Variants in ATG4A observed in about 807,000 individuals in gnomAD.
The protein encoded by ATG4A is cysteine protease ATG4A.
ATG4A carries 22 observed loss-of-function variants against 38.4 expected under a neutral mutation model. The observed-to-expected ratio is 0.57, with a 90% CI of 0.41 to 0.82. The LOEUF (loss-of-function observed/expected upper bound fraction) is 0.82. Among genes scored for constraint, ATG4A ranks in the 40% least tolerant of loss-of-function variants. ATG4A has a pLI of 0.00. For missense variants in ATG4A, 220 were observed against 290.0 expected (o/e 0.76, Z 1.75); for synonymous variants, 86 against 100.7 (o/e 0.85, Z 0.88).
chrX:108,097,572 G>A (rs1018651400), intron 1 of ATG4A, among the ~76,000 whole-genome samples: 3 of 112,088 alleles, frequency 2.7e-5, no homozygotes, highest in Non-Finnish European at 5.6e-5. Context: ...ATAGTTTTGT[G>A]TGACTCATTA....
intron 1 of ATG4A, among the ~76,000 whole-genome samples, chrX:108,098,625 C>A (rs1299113222): frequency 1.8e-5 from 2 of 111,413 alleles, no homozygotes; most frequent in African/African-American, 6.5e-5. Flanking sequence ...TTTATAGTCA[C>A]ACCCACCACC....
chrX:108,145,259 G>A (rs921054908), intron 9 of ATG4A, among the ~76,000 whole-genome samples: 10 of 112,537 alleles, frequency 8.9e-5, no homozygotes, highest in African/African-American at 3.2e-4. Context: ...GTGTGGAAGT[G>A]AAAAGCGATC....
chrX:108,113,139 T>C (rs961169970), intron 1 of ATG4A, among the ~76,000 whole-genome samples: 1 of 111,559 alleles, frequency 9.0e-6, no homozygotes, highest in Admixed American at 9.5e-5. Flanking sequence ...AAGAGCTAAT[T>C]TGTGGGACTA....
rs768079812 is a variant in ATG4A at position 108,131,283 on chromosome X, G to A, written c.217G>A (p.Ala73Thr). 21 of 1,210,146 alleles carry A rather than the reference G, an allele frequency of 1.7e-5. No homozygotes were observed. In the Admixed American group the frequency reaches 2.4e-4, roughly 14 times the overall value. ...AGGTGGAACGGGCCCTTCATCAGAT[G>A]CTGGTTGGGGATGTATGCTACGCTG... ...PIGGTGPSSD[A>T]GWGCMLRCGQ... Residue 73 changes from alanine to threonine, a missense_variant, in exon 4 of 13, where the codon GCT (alanine) becomes ACT (threonine). By Grantham distance (58) the Ala-to-Thr change is moderately conservative (BLOSUM62 0). This residue lies in a region of ATG4A where 61 missense variants were observed against 83.3 expected (regional missense o/e 0.73). Transcript: ENST00000372232.
intron 3 of ATG4A, among the ~76,000 whole-genome samples, chrX:108,130,347 A>T (rs987153107): frequency 3.6e-5 from 4 of 112,371 alleles, no homozygotes; most frequent in Non-Finnish European, 7.5e-5. Context: ...CCTCTCTGCC[A>T]TACAAGTTAT....
intron 1 of ATG4A, among the ~76,000 whole-genome samples, chrX:108,094,672 C>T (rs2031747528): frequency 8.9e-6 from 1 of 112,375 alleles, no homozygotes; most frequent in Admixed American, 9.4e-5. Flanking sequence ...TTATCATACA[C>T]TATCCTCAAA....
At chrX:108,109,687 T>C (rs1265871341) in intron 1 of ATG4A, among the ~76,000 whole-genome samples, 2 of 112,393 alleles carry the variant, frequency 1.8e-5, no homozygotes, top group South Asian at 7.4e-4. Flanking sequence ...TTCATACTTC[T>C]GTATGTGGAT....
upstream of ATG4A, among the ~76,000 whole-genome samples, chrX:108,089,661 C>T (rs1201002034): frequency 2.7e-5 from 3 of 109,836 alleles, no homozygotes; most frequent in Admixed American, 9.7e-5. Context: ...GGTGAAACTC[C>T]GTCTCTACTA....
At chrX:108,110,141 C>T (rs764528047) in intron 1 of ATG4A, among the ~76,000 whole-genome samples, 29 of 95,613 alleles carry the variant, frequency 3.0e-4, no homozygotes, top group South Asian at 5.2e-4. Context: ...GAGGCCAAGG[C>T]GGGGGCGGAT....
chrX:108,126,367 G>C (rs2032798809), intron 2 of ATG4A, among the ~76,000 whole-genome samples, 180 bp downstream of exon 2: 1 of 111,900 alleles, frequency 8.9e-6, no homozygotes, highest in South Asian at 3.7e-4. Context: ...GCTTGGACAG[G>C]CCCCTTCCAA....
rs73251792 is a variant in ATG4A at position 108,136,334 on chromosome X, C to A, written c.468-757C>A. Among the ~76,000 whole-genome samples, 11 of 111,022 alleles carry A rather than the reference C, an allele frequency of 9.9e-5. No homozygotes were observed. The East Asian group carries it at 3.1e-3, about 32-fold the overall frequency. On this transcript the variant is annotated intron_variant, in intron 6 of 12. Transcript: ENST00000372232. Reference sequence around the variant, plus strand: ...CAGACGTAGCCGGGTTAAACATGGCCTTACTTAACTGGCAAGGAAAGAAGA... The same window carrying A: ...CAGACGTAGCCGGGTTAAACATGGCATTACTTAACTGGCAAGGAAAGAAGA...
intron 1 of ATG4A, among the ~76,000 whole-genome samples, chrX:108,113,152 A>G (rs756098014): frequency 2.7e-5 from 3 of 111,505 alleles, no homozygotes; most frequent in Non-Finnish European, 5.6e-5. Context: ...TGGGACTAAT[A>G]ACTAAATCTA....
chrX:108,152,891 AC>A, intron 11 of ATG4A, 87 bp from the exon 12 acceptor site: 2 of 656,762 alleles, frequency 3.0e-6, no homozygotes, highest in Non-Finnish European at 4.9e-6. Flanking sequence ...AAACCAGCAG[AC>A]CACTGTCTCA....
At chrX:108,121,508 C>T (rs1466263389) in intron 1 of ATG4A, among the ~76,000 whole-genome samples, 1 of 110,767 alleles carries the variant, frequency 9.0e-6, no homozygotes, top group Non-Finnish European at 1.9e-5. Context: ...TCACTCTCCC[C>T]TGCCCCACCC....
At chrX:108,142,143 A>G (rs2033312624) in intron 9 of ATG4A, among the ~76,000 whole-genome samples, 1 of 111,745 alleles carries the variant, frequency 8.9e-6, no homozygotes, top group Non-Finnish European at 1.9e-5. Flanking sequence ...GCAGTGGCTC[A>G]CACTTGTAAT....
At chrX:108,105,408 A>G (rs2032142290) in intron 1 of ATG4A, among the ~76,000 whole-genome samples, 1 of 110,549 alleles carries the variant, frequency 9.0e-6, no homozygotes, top group Admixed American at 9.6e-5. Flanking sequence ...TGTCTACAAC[A>G]CTGCAAGTTT....
At chrX:108,091,325 G>A, upstream of ATG4A, 2 of 911,958 alleles carry the variant, frequency 2.2e-6, no homozygotes, top group Non-Finnish European at 3.2e-6. Flanking sequence ...CAGAAACGGG[G>A]CCTCCGCTAG....
chrX:108,142,606 C>G (rs1426714704), intron 9 of ATG4A, among the ~76,000 whole-genome samples: 1 of 110,515 alleles, frequency 9.0e-6, no homozygotes, highest in Non-Finnish European at 1.9e-5. Flanking sequence ...GGCTGAGGAG[C>G]AAGGAGAGCC....
intron 1 of ATG4A, 98 bp downstream of exon 1, chrX:108,091,934 A>G: frequency 1.7e-6 from 2 of 1,162,266 alleles, no homozygotes; most frequent in Non-Finnish European, 2.3e-6. Context: ...GTTCGGGGGC[A>G]GGGCAAGAGT....
Sources: gnomAD v4.1 joint callset for allele counts (sites outside exome capture counted in the v4.1 genomes callset) on GRCh38, gnomAD v4.1.1 for gene constraint, gnomAD v4.1.1 regional missense constraint, MANE v1.5 for transcripts, NCBI Gene and HGNC (gene_info 2026-07-23, HGNC 2026-07-21) for gene names.